FOXN1: variants seen among roughly 807,000 people sequenced by gnomAD.
FOXN1 encodes forkhead box protein N1.
Under a neutral mutation model 49.0 loss-of-function variants are expected in FOXN1, and 15 were observed. The observed-to-expected ratio is 0.31, with a 90% CI of 0.20 to 0.47. The LOEUF (loss-of-function observed/expected upper bound fraction) is 0.47. FOXN1 is among the 20% of genes least tolerant of loss of function. The pLI is 1.00. For synonymous variants in FOXN1, 356 were observed against 369.0 expected (o/e 0.96, Z 0.40); for missense variants, 800 against 842.8 (o/e 0.95, Z 0.63).
At chr17:28,507,562 C>T (rs2069290959) in intron 1 of FOXN1, among the ~76,000 whole-genome samples, 1 of 152,174 alleles carries the variant, frequency 6.6e-6, no homozygotes, top group Non-Finnish European at 1.5e-5. Flanking sequence ...TTCCTAATCC[C>T]TGAAGGAGAA....
At chr17:28,508,017 A>AGCCCC (rs1379463989) in intron 1 of FOXN1, among the ~76,000 whole-genome samples, 2 of 148,026 alleles carry the variant, frequency 1.4e-5, no homozygotes, top group Admixed American at 1.3e-4. Flanking sequence ...CTCCCCGCCC[A>AGCCCC]GCCCCGCCCC....
chr17:28,525,453 G>A (rs2069745870), intron 3 of FOXN1, among the ~76,000 whole-genome samples: 2 of 152,148 alleles, frequency 1.3e-5, no homozygotes, highest in Non-Finnish European at 2.9e-5. Context: ...TGGGGCCTGG[G>A]TGTATTCCTG....
intron 5 of FOXN1, among the ~76,000 whole-genome samples, chr17:28,529,920 C>T (rs971632731): frequency 4.6e-5 from 7 of 151,656 alleles, no homozygotes; most frequent in Admixed American, 4.6e-4. Flanking sequence ...TCTTGGAGTC[C>T]AGCAGAAATG....
intron 1 of FOXN1, among the ~76,000 whole-genome samples, chr17:28,519,680 C>G (rs866891080): frequency 6.6e-6 from 1 of 152,210 alleles, no homozygotes; most frequent in African/African-American, 2.4e-5. Context: ...CCCCAGGACA[C>G]TGGGGCCAGC....
In FOXN1 at chr17:28,535,112, C is replaced by A. The variant is rs1453224159; in HGVS notation, c.1541C>A (p.Thr514Asn). ...CTGGCCGAGCCTTCCCCAGCCAGGA[C>A]TATGCACGACACCCTGCTGCCAGAT... ...KLLAEPSPAR[T>N]MHDTLLPDGD... Residue 514 changes from threonine (T) to asparagine (N), a missense_variant, in exon 8 of 9, where the codon ACT becomes AAT. Thr to Asn is a moderately conservative substitution (Grantham distance 65). Coordinates refer to ENST00000579795, the MANE Select transcript of FOXN1 (RefSeq NM_001369369.1). 1 of 1,608,250 alleles carries A rather than the reference C, an allele frequency of 6.2e-7. No individual in the cohort carries two copies. Among genetic ancestry groups the A allele is most frequent in the Non-Finnish European group, 8.5e-7 (1 of 1,176,282 alleles).
intron 8 of FOXN1, among the ~76,000 whole-genome samples, chr17:28,536,597 G>A (rs533405885): frequency 6.6e-6 from 1 of 152,306 alleles, no homozygotes; most frequent in Admixed American, 6.5e-5. Context: ...CATGATGAGG[G>A]TCCACAGGTG....
At position 28,537,697 on chromosome 17, in the gene FOXN1, GC is replaced by G; in HGVS notation, c.*264del. On this transcript the variant is annotated 3_prime_UTR_variant, in exon 9 of 9. Coordinates refer to ENST00000579795, the MANE Select transcript of FOXN1 (RefSeq NM_001369369.1). ...GCAAGCGTCTGGGCAAGAGGAAAAT[GC>G]CCTGTCCCTAGCTCACACTCATCCA... is the stretch of plus-strand genomic sequence containing the variant. 1 of 585,354 alleles carries G rather than the reference GC, an allele frequency of 1.7e-6. No individual in the cohort carries two copies. The highest frequency in any genetic ancestry group is 3.1e-6 in the Non-Finnish European group (1 of 325,544). 36.3% of individuals were successfully genotyped at this position (585,354 alleles called of 1,614,324 possible). A position where few individuals can be genotyped will look rare whatever the true frequency, so the allele number is the denominator to read the frequency against.
rs776864437 is a variant in FOXN1, at chr17:28,524,520, C to A, written c.141C>A (p.Ser47Arg). The change falls in exon 3 of 9, where the codon AGC becomes AGA. Residue 47 changes from serine (S) to arginine (R), a missense_variant. Physicochemically the swap from Ser to Arg is moderately radical, Grantham distance 110. This residue lies in a region of FOXN1 where 383 missense variants were observed against 357.9 expected (regional missense o/e 1.07). Coordinates refer to ENST00000579795, the MANE Select transcript of FOXN1 (RefSeq NM_001369369.1). ...PAPQSKHAGF[S>R]CSSFVSDGPP... Reference sequence around the variant, plus strand: ...CTACCCAGAAGCATGCCGGCTTCAGCTGCTCGTCATTTGTGTCCGACGGCC... The same window carrying A: ...CTACCCAGAAGCATGCCGGCTTCAGATGCTCGTCATTTGTGTCCGACGGCC... 2 of 1,613,662 alleles carry A rather than the reference C, an allele frequency of 1.2e-6. No homozygotes were observed. The highest frequency in any genetic ancestry group is 2.2e-5 in the East Asian group (1 of 44,894).
intron 1 of FOXN1, among the ~76,000 whole-genome samples, chr17:28,516,923 G>A (rs1179309081): frequency 2.5e-5 from 1 of 39,810 alleles, no homozygotes; most frequent in African/African-American, 6.6e-5. Context: ...CCTCCACAGG[G>A]TACACACCTC....
At chr17:28,518,478 C>A (rs1052390979) in intron 1 of FOXN1, among the ~76,000 whole-genome samples, 1 of 152,198 alleles carries the variant, frequency 6.6e-6, no homozygotes, top group Non-Finnish European at 1.5e-5. Flanking sequence ...CGCAGGCCGG[C>A]TGTTTGTGAG....
intron 1 of FOXN1, among the ~76,000 whole-genome samples, chr17:28,519,953 G>A (rs1187863123): frequency 6.6e-6 from 1 of 151,986 alleles, no homozygotes; most frequent in South Asian, 2.1e-4. Context: ...CATAACTCAG[G>A]CCTTAAACAA....
intron 1 of FOXN1, among the ~76,000 whole-genome samples, chr17:28,512,186 G>C (rs2069409400): frequency 6.6e-6 from 1 of 152,198 alleles, no homozygotes; most frequent in Non-Finnish European, 1.5e-5. Context: ...TTCACAATCT[G>C]TGCAAAAGCC....
Position 28,537,726 on chromosome 17 carries a change from CTT to C in FOXN1, c.*291_*292del. Reference sequence around the variant, plus strand: ...TGTCCCTAGCTCACACTCATCCACACTTAAGCCCTCGTGCACACACACAAATT... The same window carrying C: ...TGTCCCTAGCTCACACTCATCCACACAAGCCCTCGTGCACACACACAAATT... On this transcript the variant is annotated 3_prime_UTR_variant, in exon 9 of 9. Transcript: ENST00000579795. The C allele has an allele frequency of 5.5e-6, 3 of 541,732 alleles. No individual in the cohort carries two copies. The highest frequency in any genetic ancestry group is 1.0e-5 in the Non-Finnish European group (3 of 298,028). The allele number at this position is 541,732 out of a possible 1,614,324, so 33.6% of individuals were successfully genotyped here.
intron 6 of FOXN1, 113 bp downstream of exon 6, chr17:28,530,958 A>G (rs2069899178): frequency 1.4e-6 from 1 of 732,518 alleles, no homozygotes. Flanking sequence ...GAAAGCCAGG[A>G]GAGGGCTTAC....
At chr17:28,509,063 G>A (rs1011828369) in intron 1 of FOXN1, among the ~76,000 whole-genome samples, 3 of 152,046 alleles carry the variant, frequency 2.0e-5, no homozygotes, top group African/African-American at 4.8e-5. Context: ...CCAGGAGCTG[G>A]GGAAGGATGA....
chr17:28,520,441 C>T (rs1186364284), intron 1 of FOXN1, among the ~76,000 whole-genome samples: 2 of 152,214 alleles, frequency 1.3e-5, no homozygotes, highest in Admixed American at 1.3e-4. Flanking sequence ...GCATCATGGT[C>T]ACCAAATCAG....
At chr17:28,506,669 C>T (rs1174658422) in intron 1 of FOXN1, among the ~76,000 whole-genome samples, 1 of 152,238 alleles carries the variant, frequency 6.6e-6, no homozygotes, top group South Asian at 2.1e-4. Context: ...CAACTTTAAT[C>T]CCTCTTGCTG....
intron 6 of FOXN1, among the ~76,000 whole-genome samples, chr17:28,531,376 A>G (rs2069910170): frequency 6.6e-6 from 1 of 152,080 alleles, no homozygotes; most frequent in South Asian, 2.1e-4. Flanking sequence ...TGAGTGTCCC[A>G]GGCTGGCTCA....
At chr17:28,526,207 A>G (rs2069762851) in intron 3 of FOXN1, among the ~76,000 whole-genome samples, 1 of 152,146 alleles carries the variant, frequency 6.6e-6, no homozygotes, top group African/African-American at 2.4e-5. Flanking sequence ...CCTTGGGCAT[A>G]TTGCTTCCCC....
Sources: allele counts gnomAD v4.1 joint callset (sites outside exome capture counted in the v4.1 genomes callset), GRCh38; gene constraint gnomAD v4.1.1; regional missense constraint gnomAD v4.1.1; transcripts MANE v1.5; gene names NCBI Gene and HGNC (gene_info 2026-07-23, HGNC 2026-07-21).